NAALAD2: variants seen among roughly 807,000 people sequenced by gnomAD.
NAALAD2 encodes the protein N-acetylated alpha-linked acidic dipeptidase 2.
NAALAD2 carries 89 observed loss-of-function variants against 95.6 expected under a neutral mutation model. That is an observed-to-expected ratio of 0.93 (90% CI 0.78 to 1.11). The LOEUF is 1.11. Ranked by LOEUF, NAALAD2 falls within the 50% of genes least tolerant of loss-of-function variation. The pLI is 0.00. For missense variants in NAALAD2, 894 were observed against 872.4 expected (o/e 1.02, Z -0.31); for synonymous variants, 264 against 294.4 (o/e 0.90, Z 1.06).
intron 15 of NAALAD2, among the ~76,000 whole-genome samples, chr11:90,177,586 G>GTTTTGTTTTTTT (rs1952833043): frequency 3.5e-5 from 1 of 28,456 alleles, no homozygotes; most frequent in African/African-American, 1.4e-4. Context: ...TCTTTTTCTT[G>GTTTTGTTTTTTT]TTTTTTTTTT....
At chr11:90,157,952 C>T (rs1187768063) in intron 6 of NAALAD2, among the ~76,000 whole-genome samples, 193 bp from the exon 7 acceptor site, 1 of 152,144 alleles carries the variant, frequency 6.6e-6, no homozygotes, top group African/African-American at 2.4e-5. Flanking sequence ...ATCTCTTGGC[C>T]TCATGATCCG....
At chr11:90,148,817 A>G (rs952911531) in intron 3 of NAALAD2, among the ~76,000 whole-genome samples, 189 bp from the exon 4 acceptor site, 1 of 152,200 alleles carries the variant, frequency 6.6e-6, no homozygotes, top group African/African-American at 2.4e-5. Flanking sequence ...ATGCATTTAT[A>G]AAAGTTTCTA....
Position 90,147,413 on chromosome 11 carries a change from T to G in NAALAD2, c.278T>G (p.Phe93Cys), listed in dbSNP as rs201982078. 46 of 1,613,916 alleles carry G rather than the reference T, an allele frequency of 2.9e-5. No individual in the cohort carries two copies. The highest frequency in any genetic ancestry group is 1.3e-5 in the African/African-American group (1 of 74,914). Residue 93 changes from phenylalanine to cysteine, a missense_variant, in exon 3 of 19, where the codon TTT becomes TGT. Phe to Cys is a radical substitution (Grantham distance 205). Transcript: ENST00000534061. ...AAAATCCAAACCCAGTGGAAGAAAT[T>G]TGGACTAGATTCAGCCAAGTTGGTT... ...AKKIQTQWKK[F>C]GLDSAKLVHY... is the part of the protein sequence containing the mutation.
At chr11:90,150,630 A>G (rs778329885) in intron 5 of NAALAD2, 23 bp downstream of exon 5, 1 of 1,560,516 alleles carries the variant, frequency 6.4e-7, no homozygotes, top group Admixed American at 1.7e-5. Context: ...TTGTTTTTCT[A>G]CAGAGAATGA....
At chr11:90,150,826 T>C (rs1261304459) in intron 5 of NAALAD2, among the ~76,000 whole-genome samples, 2 of 152,038 alleles carry the variant, frequency 1.3e-5, no homozygotes, top group African/African-American at 2.4e-5. Context: ...AAAAGTAATA[T>C]TTGCTTTTAG....
chr11:90,191,752 T>A lies in NAALAD2; in HGVS notation c.*5T>A. 1 of 1,535,560 alleles carries A rather than the reference T, an allele frequency of 6.5e-7. No homozygotes were observed. ...ACTCTGAAAGAAGTATTATAGAAGG[T>A]CTCAAGTGGCTAGCCATTAAAGGTG... is the stretch of plus-strand genomic sequence containing the variant. On this transcript the variant is annotated 3_prime_UTR_variant, in exon 19 of 19. Coordinates refer to ENST00000534061, the MANE Select transcript of NAALAD2 (RefSeq NM_005467.4).
At chr11:90,156,919 C>T (rs897137309) in intron 6 of NAALAD2, among the ~76,000 whole-genome samples, 1 of 151,974 alleles carries the variant, frequency 6.6e-6, no homozygotes, top group Non-Finnish European at 1.5e-5. Context: ...TGAGGATGTT[C>T]TAGGTATCTT....
rs187067011 is a variant in NAALAD2 at position 90,191,984 on chromosome 11, G to T, written c.*237G>T. ...AACTCCTGTGTGGCAGAAAGTAAAA[G>T]AAAATTCCCTAAATTATAGCAAGGA... is the stretch of plus-strand genomic sequence containing the variant. On this transcript the variant is annotated 3_prime_UTR_variant, in exon 19 of 19. Transcript: ENST00000534061. 1.9e-5 allele frequency: 5 copies of T among 268,364 alleles called. No homozygotes were observed. The East Asian group carries it at 2.5e-4, about 14-fold the overall frequency. The allele number at this position is 268,364 out of a possible 1,614,324, so 16.6% of individuals were successfully genotyped here.
chr11:90,135,597 G>C lies in NAALAD2; in HGVS notation c.121G>C (p.Val41Leu), dbSNP rs1389701615. The C allele has an allele frequency of 1.2e-6, 2 of 1,613,004 alleles. No homozygotes were observed. The highest frequency in any genetic ancestry group is 1.7e-6 in the Non-Finnish European group (2 of 1,179,532). The change falls in exon 2 of 19, where the codon GTG (valine) becomes CTG (leucine). Residue 41 changes from valine (V) to leucine (L), a missense_variant. Val to Leu is a conservative substitution (Grantham distance 32, BLOSUM62 1). Coordinates refer to ENST00000534061, the MANE Select transcript of NAALAD2 (RefSeq NM_005467.4). ...GCCTCTCAAAGAAACGACCACTTCT[G>C]TGCGCTATCATCAAAGTATACGGTG... ...IKPLKETTTS[V>L]RYHQSIRWKL...
intron 18 of NAALAD2, among the ~76,000 whole-genome samples, chr11:90,187,679 T>C (rs1358077261): frequency 5.9e-5 from 9 of 152,208 alleles, no homozygotes; most frequent in African/African-American, 2.2e-4. Context: ...TTGTAAATCT[T>C]ATAAAACCTC....
In NAALAD2 at chr11:90,170,051, G is replaced by T. The variant is rs1952587760; in HGVS notation, c.1343-18G>T. ...TTAGAAGTATGAAATAATACTCTGT[G>T]TCTTATTTATTTTTCAGGCAATTAT... On this transcript the variant is annotated intron_variant, in intron 12 of 18. Coordinates refer to ENST00000534061, the MANE Select transcript of NAALAD2 (RefSeq NM_005467.4). The T allele has an allele frequency of 6.9e-7, 1 of 1,440,644 alleles. No individual in the cohort carries two copies. The highest frequency in any genetic ancestry group is 1.4e-5 in the African/African-American group (1 of 71,460). The allele number at this position is 1,440,644 out of a possible 1,614,324, so 89.2% of individuals were successfully genotyped here. A position where few individuals can be genotyped will look rare whatever the true frequency, so the allele number is the denominator to read the frequency against.
chr11:90,163,536 C>T lies in NAALAD2; in HGVS notation c.1197C>T (p.Gly399=). The change falls in exon 11 of 19, where the codon GGC becomes GGT. Residue 399 remains glycine, a splice_region_variant and synonymous_variant. Coordinates refer to ENST00000534061, the MANE Select transcript of NAALAD2 (RefSeq NM_005467.4). ...ARSFGKLMSK[G]WRPRRTIIFA... ...CACGTGTGTTAACAATTCTTACAGGCTGGAGACCTAGAAGAACTATCATTT... is the reference window on the plus strand; with the variant it reads ...CACGTGTGTTAACAATTCTTACAGGTTGGAGACCTAGAAGAACTATCATTT... 6.2e-7 allele frequency: 1 copy of T among 1,613,914 alleles called. No individual in the cohort carries two copies.
chr11:90,166,933 T>A (rs1034315461), intron 11 of NAALAD2, among the ~76,000 whole-genome samples: 26 of 151,908 alleles, frequency 1.7e-4, no homozygotes, highest in African/African-American at 6.3e-4. Flanking sequence ...GTGGATCACC[T>A]GAGGTCAGGA....
Position 90,173,874 on chromosome 11 carries a change from G to T in NAALAD2, c.1461G>T (p.Trp487Cys). The change falls in exon 14 of 19, where the codon TGG becomes TGT. Residue 487 changes from tryptophan to cysteine, a missense_variant. Physicochemically the swap from Trp to Cys is radical, Grantham distance 215. Coordinates refer to ENST00000534061, the MANE Select transcript of NAALAD2 (RefSeq NM_005467.4). ...AGAGTAAATCACTGTATGAAAGCTG[G>T]TTGGAAAAAGACCCTTCACCTGAAA... ...GFESKSLYES[W>C]LEKDPSPENK... is the part of the protein sequence containing the mutation. 1 of 1,612,754 alleles carries T rather than the reference G, an allele frequency of 6.2e-7. No individual in the cohort carries two copies. The highest frequency in any genetic ancestry group is 8.5e-7 in the Non-Finnish European group (1 of 1,179,414).
At chr11:90,184,284 C>G (rs932851726) in intron 18 of NAALAD2, among the ~76,000 whole-genome samples, 1 of 152,102 alleles carries the variant, frequency 6.6e-6, no homozygotes, top group Non-Finnish European at 1.5e-5. Context: ...CCACATACTT[C>G]ACGTGACCTG....
chr11:90,179,552 C>A (rs2134976492), intron 16 of NAALAD2, among the ~76,000 whole-genome samples: 1 of 151,810 alleles, frequency 6.6e-6, no homozygotes, highest in Admixed American at 6.6e-5. Flanking sequence ...AAAAATGAAG[C>A]AAATAAAATG....
intron 18 of NAALAD2, among the ~76,000 whole-genome samples, chr11:90,185,743 A>G (rs1280065164): frequency 6.6e-6 from 1 of 152,108 alleles, no homozygotes; most frequent in Non-Finnish European, 1.5e-5. Flanking sequence ...TTTTTCCACA[A>G]TTATTTACTA....
intron 11 of NAALAD2, among the ~76,000 whole-genome samples, chr11:90,168,165 T>A (rs1952531091): frequency 6.6e-6 from 1 of 151,448 alleles, no homozygotes; most frequent in Middle Eastern, 3.2e-3. Flanking sequence ...GCCTTAAGAG[T>A]AACACTCACC....
At chr11:90,167,466 G>A (rs940971802) in intron 11 of NAALAD2, among the ~76,000 whole-genome samples, 6 of 152,194 alleles carry the variant, frequency 3.9e-5, no homozygotes, top group African/African-American at 1.4e-4. Context: ...CTCCCGACGA[G>A]CACCGCTTCC....
Sources: allele counts gnomAD v4.1 joint callset (sites outside exome capture counted in the v4.1 genomes callset), GRCh38; gene constraint gnomAD v4.1.1; transcripts MANE v1.5; gene names NCBI Gene and HGNC (gene_info 2026-07-23, HGNC 2026-07-21).